ERP27: variants seen among roughly 807,000 people sequenced by gnomAD.
The protein encoded by ERP27 is endoplasmic reticulum protein 27.
ERP27 carries 23 observed loss-of-function variants against 27.7 expected under a neutral mutation model. The observed-to-expected ratio is 0.83, with a 90% CI of 0.60 to 1.18. The LOEUF (loss-of-function observed/expected upper bound fraction) is 1.18, where lower values mean the gene tolerates loss of function less well. Ranked by LOEUF, ERP27 falls within the 50% of genes most tolerant of loss-of-function variation. ERP27 has a pLI of 0.00. For missense variants in ERP27, 363 were observed against 327.9 expected, an observed-to-expected ratio of 1.11 and a Z score of -0.83; for synonymous variants, 159 against 118.3, an observed-to-expected ratio of 1.34 and a Z score of -2.23.
intron 3 of ERP27, among the ~76,000 whole-genome samples, chr12:14,927,489 G>T (rs1863621695): frequency 1.1e-5 from 1 of 94,236 alleles, no homozygotes; most frequent in African/African-American, 3.4e-5. Context: ...ATTCAAAGGG[G>T]ATGTGAAAGG....
At chr12:14,936,178 C>T (rs1161727951) in intron 2 of ERP27, among the ~76,000 whole-genome samples, 6 of 151,760 alleles carry the variant, frequency 4.0e-5, no homozygotes, top group Middle Eastern at 6.8e-3. Flanking sequence ...TAGACGCCAT[C>T]AAAAGGGCCA....
At chr12:14,923,882 T>C (rs1221571242) in intron 3 of ERP27, among the ~76,000 whole-genome samples, 1 of 152,184 alleles carries the variant, frequency 6.6e-6, no homozygotes, top group Admixed American at 6.6e-5. Context: ...TTGTAGCTAT[T>C]ATTAAATTAC....
intron 3 of ERP27, among the ~76,000 whole-genome samples, chr12:14,930,452 T>C (rs1863681172): frequency 6.6e-6 from 1 of 152,232 alleles, no homozygotes; most frequent in Admixed American, 6.5e-5. Flanking sequence ...AGGGTAAACA[T>C]TCAAATAATA....
At chr12:14,929,375 T>C (rs1863662989) in intron 3 of ERP27, among the ~76,000 whole-genome samples, 1 of 152,224 alleles carries the variant, frequency 6.6e-6, no homozygotes, top group Non-Finnish European at 1.5e-5. Flanking sequence ...CGATCTTTCA[T>C]TATTTCTTAA....
At chr12:14,934,089 T>C (rs2120621694) in intron 3 of ERP27, among the ~76,000 whole-genome samples, 1 of 152,356 alleles carries the variant, frequency 6.6e-6, no homozygotes, top group East Asian at 1.9e-4. Flanking sequence ...AATACGATTT[T>C]AATCAAGTTT....
intron 2 of ERP27, among the ~76,000 whole-genome samples, 193 bp downstream of exon 2, chr12:14,937,753 TGAGAAA>T (rs1863792847): frequency 6.6e-6 from 1 of 152,188 alleles, no homozygotes; most frequent in Non-Finnish European, 1.5e-5. Flanking sequence ...GAAGTAAGTA[TGAGAAA>T]GATATAATTT....
At chr12:14,922,803 C>A (rs573811062) in intron 3 of ERP27, among the ~76,000 whole-genome samples, 1 of 152,180 alleles carries the variant, frequency 6.6e-6, no homozygotes, top group Non-Finnish European at 1.5e-5. Flanking sequence ...AGGCCAGGTG[C>A]GGTGGCTCAC....
chr12:14,931,569 A>G (rs768021083), intron 3 of ERP27, among the ~76,000 whole-genome samples: 11 of 152,176 alleles, frequency 7.2e-5, no homozygotes, highest in Non-Finnish European at 1.3e-4. Context: ...AATCTTGCCC[A>G]CAGAGGTCCC....
rs1863799104 is a variant in ERP27, at chr12:14,938,080, G to A, written c.95-28C>T. On this transcript the variant is annotated intron_variant, in intron 1 of 6. Transcript: ENST00000266397. ...AGAGAGAGAAGCAGAAGATGTCAGG[G>A]TACTGAGGCAAGAAGAAGCAGCTCT... 7 of 1,577,596 alleles carry A rather than the reference G, an allele frequency of 4.4e-6. No individual in the cohort carries two copies. In the East Asian group the frequency reaches 1.6e-4, roughly 35 times the overall value.
In ERP27 at chr12:14,938,419, G is replaced by A. The variant is rs774640091; in HGVS notation, c.90C>T (p.Ser30=). ...AAEVAAEVEK[S]SDGPGAAQEP... ...CCAACTACATTTTTCTTTTACCTGA[G>A]GATTTCTCAACTTCTGCAGCAACTT... is the stretch of plus-strand genomic sequence containing the variant. Residue 30 remains serine (S), a synonymous_variant, in exon 1 of 7, where the codon TCC becomes TCT. Coordinates refer to ENST00000266397, the MANE Select transcript of ERP27 (RefSeq NM_152321.4). 1.2e-6 allele frequency: 2 copies of A among 1,614,064 alleles called. No homozygotes were observed. Among genetic ancestry groups the A allele is most frequent in the Admixed American group, 1.7e-5 (1 of 60,020 alleles).
chr12:14,933,073 TATTCATTCATTC>T (rs145855574), intron 3 of ERP27, among the ~76,000 whole-genome samples: 4 of 152,242 alleles, frequency 2.6e-5, no homozygotes, highest in African/African-American at 9.6e-5. Flanking sequence ...AAGAAGAACA[TATTCATTCATTC>T]ATTCATTCAT....
Position 14,914,673 on chromosome 12 carries a change from G to T in ERP27, c.*62C>A. 6.7e-7 allele frequency: 1 copy of T among 1,491,436 alleles called. No individual in the cohort carries two copies. The highest frequency in any genetic ancestry group is 1.2e-5 in the South Asian group (1 of 85,648). 92.4% of individuals were successfully genotyped at this position (1,491,436 alleles called of 1,614,324 possible). A position where few individuals can be genotyped will look rare whatever the true frequency, so the allele number is the denominator to read the frequency against. Reference sequence around the variant, plus strand: ...CTGTTGTTTAGTGTCTCTGAGATTTGAGTTGTGCCTTTTTACTTTGCATAA... The same window carrying T: ...CTGTTGTTTAGTGTCTCTGAGATTTTAGTTGTGCCTTTTTACTTTGCATAA... On this transcript the variant is annotated 3_prime_UTR_variant, in exon 7 of 7. Coordinates refer to ENST00000266397, the MANE Select transcript of ERP27 (RefSeq NM_152321.4).
At chr12:14,925,130 A>G (rs1863581171) in intron 3 of ERP27, among the ~76,000 whole-genome samples, 1 of 152,224 alleles carries the variant, frequency 6.6e-6, no homozygotes, top group Non-Finnish European at 1.5e-5. Flanking sequence ...TTACTTTCTT[A>G]ATAAACTTGC....
chr12:14,927,596 T>G lies in ERP27; in HGVS notation c.334-6548A>C, dbSNP rs981761650. Among the ~76,000 whole-genome samples the G allele has an allele frequency of 2.4e-4, 36 of 152,298 alleles. No homozygotes were observed. The East Asian group carries it at 6.4e-3, about 27-fold the overall frequency. Reference sequence around the variant, plus strand: ...GGATCTCAAAATGCAAATTTATTTCTTAGCTTCTTGGCTGCTTCTAGAACT... The same window carrying G: ...GGATCTCAAAATGCAAATTTATTTCGTAGCTTCTTGGCTGCTTCTAGAACT... On this transcript the variant is annotated intron_variant, in intron 3 of 6. Coordinates refer to ENST00000266397, the MANE Select transcript of ERP27 (RefSeq NM_152321.4).
intron 4 of ERP27, among the ~76,000 whole-genome samples, chr12:14,919,467 C>G (rs1863466401): frequency 6.6e-6 from 1 of 152,092 alleles, no homozygotes; most frequent in Admixed American, 6.5e-5. Flanking sequence ...GCCCCACATG[C>G]AGAAGAACAC....
intron 3 of ERP27, among the ~76,000 whole-genome samples, chr12:14,924,949 G>A (rs1863576389): frequency 6.6e-6 from 1 of 152,192 alleles, no homozygotes; most frequent in African/African-American, 2.4e-5. Context: ...CCAGCCCCAT[G>A]ACAGTTTACA....
At chr12:14,932,110 C>T (rs971762416) in intron 3 of ERP27, among the ~76,000 whole-genome samples, 14 of 152,048 alleles carry the variant, frequency 9.2e-5, no homozygotes, top group African/African-American at 3.4e-4. Flanking sequence ...CCTCCGAGTG[C>T]CTTTAAGGTG....
chr12:14,917,993 T>C (rs1229342623), intron 4 of ERP27, among the ~76,000 whole-genome samples: 1 of 152,252 alleles, frequency 6.6e-6, no homozygotes, highest in Non-Finnish European at 1.5e-5. Flanking sequence ...GCCCCCTCTC[T>C]TGTTGCAAGA....
At chr12:14,928,403 G>C (rs987612455) in intron 3 of ERP27, among the ~76,000 whole-genome samples, 9 of 152,146 alleles carry the variant, frequency 5.9e-5, no homozygotes, top group African/African-American at 1.9e-4. Context: ...TCTCCCATTG[G>C]GGTAACTAAA....
Sources: gnomAD v4.1 joint callset for allele counts (sites outside exome capture counted in the v4.1 genomes callset) on GRCh38, gnomAD v4.1.1 for gene constraint, MANE v1.5 for transcripts, NCBI Gene and HGNC (gene_info 2026-07-23, HGNC 2026-07-21) for gene names.